The following COL4A3 variants were observed in gnomAD, a reference collection of about 807,000 sequenced individuals.
COL4A3 encodes collagen alpha-3(IV) chain.
COL4A3 carries 135 observed loss-of-function variants against 217.4 expected under a neutral mutation model. That is an observed-to-expected ratio of 0.62 (90% CI 0.54 to 0.72). The LOEUF is 0.72. Among genes scored for constraint, COL4A3 ranks in the 30% least tolerant of loss-of-function variants. The probability of loss-of-function intolerance (pLI) is 0.00; values close to 1 mark genes in which losing one functional copy is unlikely to be tolerated. For synonymous variants in COL4A3, 690 were observed against 736.3 expected (o/e 0.94, Z 1.02); for missense variants, 1,868 against 2,119.9 (o/e 0.88, Z 2.33).
At chr2:227,170,297 T>C (rs892246860) in intron 1 of COL4A3, among the ~76,000 whole-genome samples, 7 of 152,304 alleles carry the variant, frequency 4.6e-5, no homozygotes, top group Non-Finnish European at 8.8e-5. Flanking sequence ...TCTTTATGCC[T>C]TTTTTCCCTT....
In COL4A3 at chr2:227,289,130, T is replaced by C. The variant is rs370549450; in HGVS notation, c.2882-20T>C. Reference sequence around the variant, plus strand: ...CACACCTGGCTAATTTTCTTGTTAATACCTGGTTTCTAACTTCAGGATTCG... The same window carrying C: ...CACACCTGGCTAATTTTCTTGTTAACACCTGGTTTCTAACTTCAGGATTCG... On this transcript the variant is annotated intron_variant, in intron 34 of 51. Coordinates refer to ENST00000396578, the MANE Select transcript of COL4A3 (RefSeq NM_000091.5). 2 of 1,601,694 alleles carry C rather than the reference T, an allele frequency of 1.2e-6. No individual in the cohort carries two copies. Among genetic ancestry groups the C allele is most frequent in the African/African-American group, 2.7e-5 (2 of 74,680 alleles).
At chr2:227,183,158 A>G (rs2065910319) in intron 1 of COL4A3, among the ~76,000 whole-genome samples, 1 of 152,188 alleles carries the variant, frequency 6.6e-6, no homozygotes, top group African/African-American at 2.4e-5. Context: ...AAAGTAAAGA[A>G]AGACAGTACT....
intron 1 of COL4A3, among the ~76,000 whole-genome samples, chr2:227,181,648 G>A (rs2065870614): frequency 6.6e-6 from 1 of 152,120 alleles, no homozygotes; most frequent in Non-Finnish European, 1.5e-5. Context: ...ATGGCATATG[G>A]TATTACGTAT....
Position 227,248,493 on chromosome 2 carries a change from C to T in COL4A3, c.519C>T (p.Pro173=), listed in dbSNP as rs1210087068. Residue 173 remains proline, a synonymous_variant, in exon 9 of 52, where the codon CCC becomes CCT. Coordinates refer to ENST00000396578, the MANE Select transcript of COL4A3 (RefSeq NM_000091.5). The stretch of plus-strand genomic sequence containing the variant: ...TAGAACTTGATGCAAAAGGCGACCC[C>T]GGGTTGCCAGGGGCTCCAGGACCCC... ...EDIELDAKGD[P]GLPGAPGPQG... 5.6e-6 allele frequency: 9 copies of T among 1,613,198 alleles called. No individual in the cohort carries two copies. Among genetic ancestry groups the T allele is most frequent in the Admixed American group, 1.7e-5 (1 of 59,974 alleles).
chr2:227,210,187 G>T (rs1041327581), intron 1 of COL4A3, among the ~76,000 whole-genome samples: 1 of 152,166 alleles, frequency 6.6e-6, no homozygotes. Flanking sequence ...CAGGACAGAG[G>T]CTCCAAAGCA....
At chr2:227,173,388 T>A (rs185340135) in intron 1 of COL4A3, among the ~76,000 whole-genome samples, 2 of 152,298 alleles carry the variant, frequency 1.3e-5, no homozygotes, top group East Asian at 3.9e-4. Context: ...TTACTCCAGG[T>A]TCCACGTTGA....
At position 227,193,758 on chromosome 2, in the gene COL4A3, AAGGAAG is replaced by A. The variant is rs2066339168; in HGVS notation, c.87+28946_87+28951del. ...GAGGGAGGGAGGGAGGGAAGGAAGG[AAGGAAG>A]GAAGGAAGGAAGGAAGGAAGGAAGG... On this transcript the variant is annotated intron_variant, in intron 1 of 51. Coordinates refer to ENST00000396578, the MANE Select transcript of COL4A3 (RefSeq NM_000091.5). Among the ~76,000 whole-genome samples, 11 of 10,214 alleles carry A rather than the reference AAGGAAG, an allele frequency of 1.1e-3. 1 individual carries two copies. The highest frequency in any genetic ancestry group is 2.7e-3 in the African/African-American group (10 of 3,666). 6.7% of individuals were successfully genotyped at this position (10,214 alleles called of 152,430 possible).
At chr2:227,193,461 C>G (rs955847843) in intron 1 of COL4A3, among the ~76,000 whole-genome samples, 2 of 152,186 alleles carry the variant, frequency 1.3e-5, no homozygotes, top group Non-Finnish European at 2.9e-5. Flanking sequence ...CGCCTGTAAT[C>G]CTAGCACTTG....
intron 29 of COL4A3, among the ~76,000 whole-genome samples, 188 bp downstream of exon 29, chr2:227,280,078 G>A (rs948569452): frequency 3.3e-5 from 5 of 152,208 alleles, no homozygotes; most frequent in African/African-American, 4.8e-5. Context: ...AACATAAGGT[G>A]TCAGAATGCA....
intron 43 of COL4A3, among the ~76,000 whole-genome samples, chr2:227,299,310 G>A (rs1055031968): frequency 6.6e-6 from 1 of 152,196 alleles, no homozygotes; most frequent in Non-Finnish European, 1.5e-5. Context: ...CAGGAGAATG[G>A]CGTGAACCCG....
Position 227,203,242 on chromosome 2 carries a change from T to C in COL4A3, c.88-34726T>C, listed in dbSNP as rs564638479. Among the ~76,000 whole-genome samples, 4 of 11,374 alleles carry C rather than the reference T, an allele frequency of 3.5e-4. 2 individuals carry two copies. The highest frequency in any genetic ancestry group is 6.5e-4 in the Non-Finnish European group (4 of 6,124). 7.5% of individuals were successfully genotyped at this position (11,374 alleles called of 152,430 possible). On this transcript the variant is annotated intron_variant, in intron 1 of 51. Coordinates refer to ENST00000396578, the MANE Select transcript of COL4A3 (RefSeq NM_000091.5). ...ATATATGTGTATATATGTGTATATA[T>C]ACATATATGTATATATACATATATG... is the stretch of plus-strand genomic sequence containing the variant.
chr2:227,274,499 C>CT lies in COL4A3; in HGVS notation c.1927+1395dup, dbSNP rs745900795. 3.2e-3 allele frequency among the ~76,000 whole-genome samples: 455 copies of CT among 140,554 alleles called. 2 individuals are homozygous for CT. The highest frequency in any genetic ancestry group is 4.5e-3 in the South Asian group (20 of 4,444). The allele number at this position is 140,554 out of a possible 152,430, so 92.2% of individuals were successfully genotyped here. On this transcript the variant is annotated intron_variant, in intron 26 of 51. Coordinates refer to ENST00000396578, the MANE Select transcript of COL4A3 (RefSeq NM_000091.5). ...TTATCTGCACCTTACTTTGGAGCTG[C>CT]TTTTTTTTTTTTTGTCTGAGATGGA...
chr2:227,181,617 T>C (rs2065869737), intron 1 of COL4A3, among the ~76,000 whole-genome samples: 1 of 152,226 alleles, frequency 6.6e-6, no homozygotes, highest in South Asian at 2.1e-4. Flanking sequence ...TTTTGGTATA[T>C]TTGCATAAAA....
chr2:227,228,111 C>CATGTCTAG (rs2068198171), intron 1 of COL4A3, among the ~76,000 whole-genome samples: 1 of 152,204 alleles, frequency 6.6e-6, no homozygotes, highest in Admixed American at 6.5e-5. Context: ...GGCTGGCTTA[C>CATGTCTAG]ATGTCTAGAC....
intron 44 of COL4A3, among the ~76,000 whole-genome samples, chr2:227,303,496 T>A (rs1371990169): frequency 6.6e-6 from 1 of 152,222 alleles, no homozygotes; most frequent in African/African-American, 2.4e-5. Context: ...AGCAATATAA[T>A]TCACCACATG....
At chr2:227,216,218 A>T (rs1346471066) in intron 1 of COL4A3, among the ~76,000 whole-genome samples, 1 of 152,222 alleles carries the variant, frequency 6.6e-6, no homozygotes, top group Non-Finnish European at 1.5e-5. Context: ...TAAGAAGGTA[A>T]ATTTGGCAAG....
chr2:227,303,480 C>T (rs1267708089), intron 44 of COL4A3, among the ~76,000 whole-genome samples: 1 of 152,174 alleles, frequency 6.6e-6, no homozygotes, highest in Non-Finnish European at 1.5e-5. Flanking sequence ...GTAACTATGA[C>T]AACCAAGCAA....
intron 1 of COL4A3, among the ~76,000 whole-genome samples, chr2:227,190,709 G>A (rs1577060394): frequency 6.6e-6 from 1 of 152,102 alleles, no homozygotes; most frequent in East Asian, 1.9e-4. Context: ...GAGTTTGAGA[G>A]CAGCCTGGCC....
intron 7 of COL4A3, among the ~76,000 whole-genome samples, chr2:227,247,148 T>C (rs1265354683): frequency 6.6e-6 from 1 of 152,186 alleles, no homozygotes; most frequent in Non-Finnish European, 1.5e-5. Context: ...AGGTGTATTA[T>C]GGAGGCCCAG....
Sources: allele counts gnomAD v4.1 joint callset (sites outside exome capture counted in the v4.1 genomes callset), GRCh38; gene constraint gnomAD v4.1.1; transcripts MANE v1.5; gene names NCBI Gene and HGNC (gene_info 2026-07-23, HGNC 2026-07-21).